RUVBL1: variants seen among roughly 807,000 people sequenced by gnomAD.
The protein encoded by RUVBL1 is ruvB-like 1.
A neutral mutation model predicts 52.4 loss-of-function variants in RUVBL1; 4 were observed. The ratio of observed to expected loss-of-function variants is 0.08; its 90% CI spans 0.04 to 0.17. RUVBL1 has a LOEUF of 0.17. Ranked by LOEUF, RUVBL1 falls within the 10% of genes least tolerant of loss-of-function variation. The pLI is 1.00. For synonymous variants in RUVBL1, 217 were observed against 214.4 expected, an observed-to-expected ratio of 1.01 and a Z score of -0.10; for missense variants, 298 against 572.8, an observed-to-expected ratio of 0.52 and a Z score of 4.90.
rs897210698 is a variant in RUVBL1, at chr3:128,067,903, G to C, written c.940-2683C>G. ...TTGTCAGTGCTCGAAGAGGCGATCT[G>C]TAACTGTTCAGTACCACTTGGAATG... On this transcript the variant is annotated intron_variant, in intron 9 of 9. Coordinates refer to the RUVBL1 transcript ENST00000464873. This position sits in a 1 kb window ranked among gnomAD's most constrained non-coding sequence, Gnocchi z 4.1. 1.8e-6 allele frequency: 2 copies of C among 1,121,626 alleles called. No homozygotes were observed. The highest frequency in any genetic ancestry group is 1.5e-5 in the African/African-American group (1 of 65,040). 69.5% of individuals were successfully genotyped at this position (1,121,626 alleles called of 1,614,324 possible).
At chr3:128,103,945 G>A (rs781625230) in intron 4 of RUVBL1, among the ~76,000 whole-genome samples, 9 of 152,198 alleles carry the variant, frequency 5.9e-5, no homozygotes, top group Non-Finnish European at 1.5e-5. Flanking sequence ...ATTTCTCCAA[G>A]TGAAGGCTCT....
At position 128,066,726 on chromosome 3, in the gene RUVBL1, C is replaced by A. The variant is rs940205601; in HGVS notation, c.940-1506G>T. ...GGTGTAAGTCACCACGCCTAGCCTTCAGTGTATTTTTAAACCAGCTTTTCT... is the reference window on the plus strand; with the variant it reads ...GGTGTAAGTCACCACGCCTAGCCTTAAGTGTATTTTTAAACCAGCTTTTCT... On this transcript the variant is annotated intron_variant, in intron 9 of 9. Coordinates refer to the RUVBL1 transcript ENST00000464873. 3.7e-5 allele frequency: 21 copies of A among 567,666 alleles called. No individual in the cohort carries two copies. The African/African-American group carries it at 3.8e-4, about 10-fold the overall frequency. 35.2% of individuals were successfully genotyped at this position (567,666 alleles called of 1,614,324 possible).
chr3:128,086,936 C>T (rs944832696), intron 9 of RUVBL1, among the ~76,000 whole-genome samples: 6 of 152,250 alleles, frequency 3.9e-5, no homozygotes, highest in Non-Finnish European at 4.4e-5. Flanking sequence ...AGGGCATGCA[C>T]GGTGTGCCAG....
At position 128,137,360 on chromosome 3, in the gene RUVBL1, A is replaced by G. The variant is rs555380257; in HGVS notation, c.-40+15843T>C. Among the ~76,000 whole-genome samples, 125 of 152,328 alleles carry G rather than the reference A, an allele frequency of 8.2e-4. 1 individual carries two copies. Among genetic ancestry groups the G allele is most frequent in the South Asian group, 4.4e-3 (21 of 4,826 alleles). On this transcript the variant is annotated intron_variant, in intron 1 of 9. Coordinates refer to the RUVBL1 transcript ENST00000464873. The stretch of plus-strand genomic sequence containing the variant: ...TGAAATCACAGATGAAAAGGGAGAC[A>G]TTACAACTGATGCCACAGAAATTCA...
In RUVBL1 at chr3:128,067,192, G is replaced by A; in HGVS notation, c.940-1972C>T. On this transcript the variant is annotated intron_variant, in intron 9 of 9. Transcript: ENST00000464873. The surrounding 1 kb of genome is among the most constrained non-coding windows in gnomAD (Gnocchi z 4.1). ...GAAGATGAGCTAGCAATGCAGCTAA[G>A]TTGCAGTGGTTTCTATCAGTGTCTT... 1 of 1,558,512 alleles carries A rather than the reference G, an allele frequency of 6.4e-7. No homozygotes were observed. Among genetic ancestry groups the A allele is most frequent in the South Asian group, 1.1e-5 (1 of 89,966 alleles).
chr3:128,133,796 A>G (rs1212554838), intron 1 of RUVBL1, among the ~76,000 whole-genome samples: 2 of 152,212 alleles, frequency 1.3e-5, no homozygotes, highest in East Asian at 3.9e-4. Flanking sequence ...AAACAAGCTC[A>G]GACTGCAAAG....
At chr3:128,124,008 G>A (rs556987432), upstream of RUVBL1, 171 of 671,652 alleles carry the variant, frequency 2.5e-4, no homozygotes, top group Non-Finnish European at 3.1e-4. Context: ...GAGCACAGTG[G>A]GACCACGCCC....
At chr3:128,132,677 C>A (rs1185160466) in intron 1 of RUVBL1, among the ~76,000 whole-genome samples, 2 of 152,094 alleles carry the variant, frequency 1.3e-5, no homozygotes, top group Admixed American at 6.6e-5. Flanking sequence ...GGAGGAAAAC[C>A]CAGACTTGGC....
intron 5 of RUVBL1, among the ~76,000 whole-genome samples, chr3:128,100,962 C>G (rs1049932305): frequency 1.3e-5 from 2 of 152,230 alleles, no homozygotes; most frequent in Non-Finnish European, 2.9e-5. Flanking sequence ...CTGATACTTT[C>G]TCCCAAAATC....
intron 1 of RUVBL1, among the ~76,000 whole-genome samples, chr3:128,138,159 T>A (rs1208726664): frequency 6.6e-6 from 1 of 152,148 alleles, no homozygotes; most frequent in Admixed American, 6.6e-5. Context: ...TTTGCTACTA[T>A]TATTCAACAT....
intron 1 of RUVBL1, among the ~76,000 whole-genome samples, chr3:128,134,473 A>G (rs1391648855): frequency 6.8e-6 from 1 of 147,032 alleles, no homozygotes; most frequent in African/African-American, 2.5e-5. Context: ...AAAAAAAAAA[A>G]AAAGACAGGC....
chr3:128,106,507 A>G (rs1943243159), intron 3 of RUVBL1, among the ~76,000 whole-genome samples: 1 of 150,936 alleles, frequency 6.6e-6, no homozygotes, highest in South Asian at 2.1e-4. Context: ...AATTGTCCCC[A>G]TGGTGACCTG....
At position 128,082,736 on chromosome 3, in the gene RUVBL1, G is replaced by A; in HGVS notation, c.1120-162C>T. 1 of 592,786 alleles carries A rather than the reference G, an allele frequency of 1.7e-6. No homozygotes were observed. Among genetic ancestry groups the A allele is most frequent in the Non-Finnish European group, 3.0e-6 (1 of 336,436 alleles). 36.7% of individuals were successfully genotyped at this position (592,786 alleles called of 1,614,324 possible). The stretch of plus-strand genomic sequence containing the variant: ...AGCCAACGCCTGCCCAGCACTGCCG[G>A]CCCGGCACCCTCCAGGAGGCATGTG... On this transcript the variant is annotated intron_variant, in intron 9 of 10. Coordinates refer to ENST00000322623, the MANE Select transcript of RUVBL1 (RefSeq NM_003707.3). The surrounding 1 kb of genome is among the most constrained non-coding windows in gnomAD (Gnocchi z 4.7).
chr3:128,151,810 T>C (rs893234674), intron 1 of RUVBL1, among the ~76,000 whole-genome samples: 7 of 152,178 alleles, frequency 4.6e-5, no homozygotes, highest in Admixed American at 6.5e-5. Flanking sequence ...TGGAGAGTGG[T>C]GGAACGAAGG....
chr3:128,120,913 G>A (rs547192807), intron 1 of RUVBL1, among the ~76,000 whole-genome samples: 23 of 151,710 alleles, frequency 1.5e-4, no homozygotes, highest in African/African-American at 4.6e-4. Context: ...CCCAGGAGGC[G>A]GAGCTTGCAG....
chr3:128,086,473 G>A (rs999958251), intron 9 of RUVBL1, among the ~76,000 whole-genome samples: 11 of 152,244 alleles, frequency 7.2e-5, no homozygotes, highest in Admixed American at 3.3e-4. Flanking sequence ...CGTCACTGCA[G>A]CCCCAGTCTG....
chr3:128,066,856 C>A, intron 9 of RUVBL1: 1 of 1,161,788 alleles, frequency 8.6e-7, no homozygotes, highest in Non-Finnish European at 1.3e-6. Flanking sequence ...GGATTTCCTC[C>A]CTTGTGGCCC....
Position 128,081,490 on chromosome 3 carries a change from C to A in RUVBL1, c.1212-81G>T. 7.0e-7 allele frequency: 1 copy of A among 1,438,758 alleles called. No homozygotes were observed. The highest frequency in any genetic ancestry group is 9.5e-7 in the Non-Finnish European group (1 of 1,054,066). The allele number at this position is 1,438,758 out of a possible 1,614,324, so 89.1% of individuals were successfully genotyped here. A position where few individuals can be genotyped will look rare whatever the true frequency, so the allele number is the denominator to read the frequency against. ...CTTCCCCCCACATCAGTAGGCAGCACTGGCACCAGGAGCAGAGCCCAGTGC... is the reference window on the plus strand; with the variant it reads ...CTTCCCCCCACATCAGTAGGCAGCAATGGCACCAGGAGCAGAGCCCAGTGC... On this transcript the variant is annotated intron_variant, in intron 10 of 10. Coordinates refer to ENST00000322623, the MANE Select transcript of RUVBL1 (RefSeq NM_003707.3). This position sits in a 1 kb window ranked among gnomAD's most constrained non-coding sequence, Gnocchi z 4.8.
intron 1 of RUVBL1, among the ~76,000 whole-genome samples, chr3:128,129,028 A>T (rs1943837244): frequency 6.6e-6 from 1 of 151,712 alleles, no homozygotes; most frequent in African/African-American, 2.4e-5. Flanking sequence ...CCCCCTCCTA[A>T]TGTCATCACT....
Sources: allele counts gnomAD v4.1 joint callset (sites outside exome capture counted in the v4.1 genomes callset), GRCh38; gene constraint gnomAD v4.1.1; non-coding constraint Gnocchi (gnomAD v3.1); transcripts MANE v1.5; gene names NCBI Gene and HGNC (gene_info 2026-07-23, HGNC 2026-07-21).